The following SEMA3D variants were observed in gnomAD, a reference collection of about 807,000 sequenced individuals.
SEMA3D encodes the protein semaphorin 3D, also known as semaphorin-3D.
A neutral mutation model predicts 100.1 loss-of-function variants in SEMA3D; 84 were observed. The ratio of observed to expected loss-of-function variants is 0.84; its 90% CI spans 0.70 to 1.01. The LOEUF is 1.01. Among genes scored for constraint, SEMA3D ranks in the 50% least tolerant of loss-of-function variants. The pLI is 0.00. For synonymous variants in SEMA3D, 312 were observed against 320.7 expected (o/e 0.97, Z 0.29); for missense variants, 875 against 934.1 (o/e 0.94, Z 0.82).
chr7:85,039,253 A>G (rs945453143), intron 11 of SEMA3D, among the ~76,000 whole-genome samples: 16 of 152,160 alleles, frequency 1.1e-4, no homozygotes, highest in African/African-American at 3.6e-4. Flanking sequence ...AAAGTTTCAC[A>G]GATGCTAGTA....
intron 3 of SEMA3D, among the ~76,000 whole-genome samples, chr7:85,116,700 A>T (rs1021334418): frequency 6.6e-6 from 1 of 151,948 alleles, no homozygotes; most frequent in African/African-American, 2.4e-5. Context: ...GAGGTTCCAA[A>T]GATATTATTC....
At chr7:85,179,523 A>T (rs575618810) in intron 1 of SEMA3D, among the ~76,000 whole-genome samples, 5 of 152,202 alleles carry the variant, frequency 3.3e-5, no homozygotes, top group African/African-American at 9.6e-5. Context: ...CGTTTTGGCC[A>T]ATTTCCCCTT....
At chr7:85,022,835 TATA>T (rs1480349339) in intron 12 of SEMA3D, among the ~76,000 whole-genome samples, 2 of 151,942 alleles carry the variant, frequency 1.3e-5, no homozygotes, top group Admixed American at 6.6e-5. Flanking sequence ...CTCTGCATTT[TATA>T]ATGTTTCCAT....
intron 5 of SEMA3D, among the ~76,000 whole-genome samples, chr7:85,078,716 C>T (rs1237806866): frequency 6.6e-6 from 1 of 152,152 alleles, no homozygotes; most frequent in Non-Finnish European, 1.5e-5. Flanking sequence ...TATCCCCACC[C>T]CAATTAGCTA....
chr7:85,072,918 G>C (rs772452279), intron 6 of SEMA3D, 44 bp downstream of exon 6: 1 of 1,439,496 alleles, frequency 6.9e-7, no homozygotes. Context: ...AAGTAGTAAT[G>C]TATTACAATA....
chr7:85,237,372 C>T, the SEMA3D span, among the ~76,000 whole-genome samples: 1 of 152,162 alleles, frequency 6.6e-6, no homozygotes, highest in Non-Finnish European at 1.5e-5. Context: ...GTTATAATGA[C>T]TCCTATCCAC....
the SEMA3D span, among the ~76,000 whole-genome samples, chr7:85,242,679 G>T: frequency 6.6e-6 from 1 of 152,112 alleles, no homozygotes; most frequent in Admixed American, 6.6e-5. Context: ...TCTCCTTATG[G>T]CTATACCAGT....
In SEMA3D at chr7:85,065,324, TTAATTA is replaced by T. The variant is rs1429923019; in HGVS notation, c.718+94_718+99del. 2.7e-6 allele frequency: 3 copies of T among 1,093,562 alleles called. No individual in the cohort carries two copies. The African/African-American group carries it at 4.8e-5, about 17-fold the overall frequency. 67.7% of individuals were successfully genotyped at this position (1,093,562 alleles called of 1,614,324 possible). A position where few individuals can be genotyped will look rare whatever the true frequency, so the allele number is the denominator to read the frequency against. On this transcript the variant is annotated intron_variant, in intron 8 of 18. Coordinates refer to ENST00000284136, the MANE Select transcript of SEMA3D (RefSeq NM_001384900.1). ...ATGTATTTTATAATGTTGAGCTAAATTAATTATTCCAAAACACATTTGAATGAATAA... is the reference window on the plus strand; with the variant it reads ...ATGTATTTTATAATGTTGAGCTAAATTTCCAAAACACATTTGAATGAATAA...
rs1216889150 is a variant in SEMA3D at position 85,109,589 on chromosome 7, T to G, written c.152-11624A>C. ...AAGGACTTTCGTTCTAATTTATGCC[T>G]CTTTTGAATTAGTTGGATTAAAGCA... On this transcript the variant is annotated intron_variant, in intron 3 of 18. Coordinates refer to ENST00000284136, the MANE Select transcript of SEMA3D (RefSeq NM_001384900.1). Among the ~76,000 whole-genome samples, 4 of 152,138 alleles carry G rather than the reference T, an allele frequency of 2.6e-5. No individual in the cohort carries two copies. The East Asian group carries it at 5.8e-4, about 22-fold the overall frequency.
At chr7:85,173,810 C>CA (rs1371243082) in intron 1 of SEMA3D, among the ~76,000 whole-genome samples, 1 of 152,094 alleles carries the variant, frequency 6.6e-6, no homozygotes, top group African/African-American at 2.4e-5. Flanking sequence ...CTGAATCACA[C>CA]AACTAAGAGC....
rs1788609205 is a variant in SEMA3D, at chr7:85,097,803, A to G, written c.312+2T>C. The G allele has an allele frequency of 1.9e-6, 3 of 1,559,286 alleles. No individual in the cohort carries two copies. The Middle Eastern group carries it at 5.1e-4, about 266-fold the overall frequency. On this transcript the variant is annotated splice_donor_variant, in intron 4 of 18. Transcript: ENST00000284136. LOFTEE classifies it high-confidence loss of function. The stretch of plus-strand genomic sequence containing the variant: ...ACCAAATGTATATATAAATATACTG[A>G]CCTTCTTAAAATTTTTGTTTAAGTC...
At chr7:85,179,492 G>T (rs1239538432) in intron 1 of SEMA3D, among the ~76,000 whole-genome samples, 1 of 152,096 alleles carries the variant, frequency 6.6e-6, no homozygotes, top group Non-Finnish European at 1.5e-5. Flanking sequence ...TTTTAGACTT[G>T]CATGGGGCCT....
chr7:85,204,847 T>C, the SEMA3D span, among the ~76,000 whole-genome samples: 1 of 152,052 alleles, frequency 6.6e-6, no homozygotes, highest in East Asian at 1.9e-4. Context: ...CAACACACCA[T>C]TACAGTTTTC....
chr7:85,055,496 CTTTCTTTTCTTCTT>C (rs1227134103), intron 9 of SEMA3D, among the ~76,000 whole-genome samples: 1 of 151,198 alleles, frequency 6.6e-6, no homozygotes, highest in Admixed American at 6.6e-5. Context: ...TTTCCTTTTT[CTTTCTTTTCTTCTT>C]TTTCTTTTCT....
intron 11 of SEMA3D, among the ~76,000 whole-genome samples, chr7:85,038,443 G>A (rs1790764636): frequency 6.6e-6 from 1 of 152,172 alleles, no homozygotes; most frequent in African/African-American, 2.4e-5. Flanking sequence ...ATTATTGCAG[G>A]TTTATTATGT....
At position 85,141,459 on chromosome 7, in the gene SEMA3D, TC is replaced by T. The variant is rs1224335677; in HGVS notation, c.-41+12148del. The T allele has an allele frequency of 8.5e-5, 84 of 985,120 alleles. 1 individual carries two copies. In the African/African-American group the frequency reaches 1.4e-3, roughly 17 times the overall value. The allele number at this position is 985,120 out of a possible 1,614,324, so 61.0% of individuals were successfully genotyped here. A position where few individuals can be genotyped will look rare whatever the true frequency, so the allele number is the denominator to read the frequency against. ...TTTAAAAAAAAGATTGGTGTCTTGATCTTTCTCCACTGGAAGAAGGACATGA... is the reference window on the plus strand; with the variant it reads ...TTTAAAAAAAAGATTGGTGTCTTGATTTTCTCCACTGGAAGAAGGACATGA... On this transcript the variant is annotated intron_variant, in intron 2 of 18. Transcript: ENST00000284136.
rs1790453460 is a variant in SEMA3D at position 85,028,434 on chromosome 7, T to C, written c.1192-5821A>G. On this transcript the variant is annotated intron_variant, in intron 12 of 18. Transcript: ENST00000284136. ...GAGCTGAAAGAAATGTGCTAATCTT[T>C]GACCTGGGAGGTGGTGTTTTTGATC... 1.4e-5 allele frequency: 6 copies of C among 426,094 alleles called. No individual in the cohort carries two copies. The South Asian group carries it at 1.6e-4, about 11-fold the overall frequency. The allele number at this position is 426,094 out of a possible 1,614,324, so 26.4% of individuals were successfully genotyped here. A position where few individuals can be genotyped will look rare whatever the true frequency, so the allele number is the denominator to read the frequency against.
intron 3 of SEMA3D, among the ~76,000 whole-genome samples, chr7:85,120,382 T>C (rs764694833): frequency 2.0e-5 from 3 of 152,054 alleles, no homozygotes; most frequent in Non-Finnish European, 4.4e-5. Flanking sequence ...TAGTTATCGA[T>C]TGTGGCCAGG....
chr7:85,246,142 T>C, the SEMA3D span, among the ~76,000 whole-genome samples: 1 of 152,144 alleles, frequency 6.6e-6, no homozygotes, highest in Non-Finnish European at 1.5e-5. Flanking sequence ...GGCTATGCCA[T>C]TTTAATTTCA....
Sources: allele counts gnomAD v4.1 joint callset (sites outside exome capture counted in the v4.1 genomes callset), GRCh38; gene constraint gnomAD v4.1.1; transcripts MANE v1.5; gene names NCBI Gene and HGNC (gene_info 2026-07-23, HGNC 2026-07-21).